ZMYND8: variants seen among roughly 807,000 people sequenced by gnomAD.
The protein encoded by ZMYND8 is MYND-type zinc finger-containing chromatin reader ZMYND8.
A neutral mutation model predicts 140.8 loss-of-function variants in ZMYND8; 37 were observed. The ratio of observed to expected loss-of-function variants is 0.26; its 90% CI spans 0.20 to 0.35. The LOEUF (loss-of-function observed/expected upper bound fraction) is 0.35. ZMYND8 is among the 10% of genes least tolerant of loss of function. The pLI is 1.00. For synonymous variants in ZMYND8, 592 were observed against 597.1 expected, an observed-to-expected ratio of 0.99 and a Z score of 0.12; for missense variants, 1,068 against 1,570.0, an observed-to-expected ratio of 0.68 and a Z score of 5.40.
At chr20:47,214,410 G>A (rs1028155534) in intron 21 of ZMYND8, among the ~76,000 whole-genome samples, 6 of 152,142 alleles carry the variant, frequency 3.9e-5, no homozygotes, top group African/African-American at 2.4e-5. Flanking sequence ...CACTTTTTCT[G>A]CCACTTTCTG....
chr20:47,337,119 A>C (rs2081445890), intron 2 of ZMYND8, among the ~76,000 whole-genome samples: 1 of 152,206 alleles, frequency 6.6e-6, no homozygotes, highest in South Asian at 2.1e-4. Flanking sequence ...TGGGAGGCCA[A>C]GGCGGGTGGA....
intron 11 of ZMYND8, among the ~76,000 whole-genome samples, chr20:47,271,356 T>C (rs1374175575): frequency 1.3e-5 from 2 of 152,232 alleles, no homozygotes; most frequent in Non-Finnish European, 2.9e-5. Context: ...TGCTTATCAT[T>C]GTAGCACTAA....
chr20:47,217,042 G>C (rs376114037), intron 21 of ZMYND8, among the ~76,000 whole-genome samples: 2 of 152,240 alleles, frequency 1.3e-5, no homozygotes, highest in African/African-American at 4.8e-5. Flanking sequence ...TCCAAGGTGA[G>C]GTTTTGCCAA....
intron 11 of ZMYND8, among the ~76,000 whole-genome samples, chr20:47,272,056 A>AG (rs11333888): frequency 0.017 from 2,418 of 146,444 alleles, 24 homozygotes; most frequent in South Asian, 0.028. Context: ...TTATAAAAAA[A>AG]GGGGGGGGGG....
At chr20:47,253,744 T>G (rs1014547859) in intron 12 of ZMYND8, among the ~76,000 whole-genome samples, 1 of 152,222 alleles carries the variant, frequency 6.6e-6, no homozygotes, top group Non-Finnish European at 1.5e-5. Flanking sequence ...CCTGAATAAC[T>G]GAGCTCTGTG....
At position 47,224,485 on chromosome 20, in the gene ZMYND8, G is replaced by C; in HGVS notation, c.3088C>G (p.Gln1030Glu). 4 of 1,614,200 alleles carry C rather than the reference G, an allele frequency of 2.5e-6. No homozygotes were observed. Among genetic ancestry groups the C allele is most frequent in the East Asian group, 2.2e-5 (1 of 44,886 alleles). The change falls in exon 19 of 23, where the codon CAG (glutamine) becomes GAG (glutamate). Residue 1030 changes from glutamine to glutamate, a missense_variant. Physicochemically the swap from Gln to Glu is conservative, Grantham distance 29. Coordinates refer to ENST00000471951, the MANE Select transcript of ZMYND8 (RefSeq NM_001281775.3). ...GCCTGCTGCTTCTCCAACTCCAGCT[G>C]CTTCTTCACCTCGGCGATGAGCCGG... ...RDRLIAEVKKQLELEKQQAVD... is the reference protein window; with the variant it reads ...RDRLIAEVKKELELEKQQAVD...
chr20:47,244,514 T>TAG (rs1203373334), intron 14 of ZMYND8, among the ~76,000 whole-genome samples: 1 of 152,200 alleles, frequency 6.6e-6, no homozygotes, highest in African/African-American at 2.4e-5. Context: ...CAGGCTGCAC[T>TAG]AGGCTGTGGG....
chr20:47,220,276 C>A lies in ZMYND8; in HGVS notation c.3466G>T (p.Gly1156Cys). 1.3e-6 allele frequency: 2 copies of A among 1,564,208 alleles called. No homozygotes were observed. Among genetic ancestry groups the A allele is most frequent in the East Asian group, 2.4e-5 (1 of 42,042 alleles). Residue 1156 changes from glycine (G) to cysteine (C), a missense_variant, in exon 21 of 23, where the codon GGC (glycine) becomes TGC (cysteine). Transcript: ENST00000471951. Reference protein sequence around the residue: ...SRETPSSILLGSNQGSVSKRC... With the variant: ...SRETPSSILLCSNQGSVSKRC... ...AACATACCAGAGCCTTGGTTGGAGC[C>A]TAAGAGAATGGAGGAGGGCGTCTCT...
chr20:47,212,606 GC>G (rs2035443692), intron 22 of ZMYND8, 35 bp downstream of exon 22: 2 of 1,608,720 alleles, frequency 1.2e-6, no homozygotes, highest in African/African-American at 2.7e-5. Context: ...CCAGGAAGAA[GC>G]CCCGGCAGCT....
chr20:47,356,385 T>G, intron 1 of ZMYND8: 1 of 1,510,818 alleles, frequency 6.6e-7, no homozygotes, highest in Non-Finnish European at 8.8e-7. Flanking sequence ...CATACCAGGA[T>G]CTAGCTTCAA....
intron 2 of ZMYND8, among the ~76,000 whole-genome samples, chr20:47,336,635 T>C (rs957037046): frequency 6.6e-6 from 1 of 152,242 alleles, no homozygotes; most frequent in African/African-American, 2.4e-5. Flanking sequence ...TGCAATGAAT[T>C]GTGCCTTGGC....
intron 16 of ZMYND8, among the ~76,000 whole-genome samples, chr20:47,236,074 A>G (rs919552861): frequency 2.6e-5 from 4 of 152,176 alleles, no homozygotes; most frequent in African/African-American, 9.7e-5. Context: ...GGTAATTCTG[A>G]TTATGTCATT....
intron 17 of ZMYND8, among the ~76,000 whole-genome samples, chr20:47,227,954 A>G (rs2037926342): frequency 6.6e-6 from 1 of 152,124 alleles, no homozygotes; most frequent in African/African-American, 2.4e-5. Flanking sequence ...TTAACCGGGC[A>G]TGGCGGCGCA....
intron 11 of ZMYND8, among the ~76,000 whole-genome samples, chr20:47,270,697 GAAA>G (rs34474269): frequency 0.35 from 30,256 of 87,524 alleles, 4,101 homozygotes; most frequent in Non-Finnish European, 0.36. Context: ...CCCTGTCTCT[GAAA>G]AAAAAAAAAA....
chr20:47,236,375 G>A lies in ZMYND8; in HGVS notation c.2807C>T (p.Ala936Val). ...AGCGGCGACATCAGCTGAGGCAGTGGCGATGGGCAGGTCAGCGTTGACTGA... is the reference window on the plus strand; with the variant it reads ...AGCGGCGACATCAGCTGAGGCAGTGACGATGGGCAGGTCAGCGTTGACTGA... Reference protein sequence around the residue: ...VSSVNADLPIATASADVAADI... With the variant: ...VSSVNADLPIVTASADVAADI... Residue 936 changes from alanine to valine, a missense_variant, in exon 16 of 23, where the codon GCC becomes GTC. Physicochemically the swap from Ala to Val is moderately conservative, Grantham distance 64 (BLOSUM62 0). Coordinates refer to ENST00000471951, the MANE Select transcript of ZMYND8 (RefSeq NM_001281775.3). The A allele has an allele frequency of 3.7e-6, 6 of 1,614,226 alleles. No homozygotes were observed. Among genetic ancestry groups the A allele is most frequent in the Non-Finnish European group, 5.1e-6 (6 of 1,180,046 alleles).
intron 12 of ZMYND8, among the ~76,000 whole-genome samples, chr20:47,257,841 C>G (rs1235487018): frequency 6.6e-6 from 1 of 151,582 alleles, no homozygotes; most frequent in Non-Finnish European, 1.5e-5. Context: ...TTGTCTGGCC[C>G]AAATAGAGTT....
chr20:47,255,603 T>TAG, intron 12 of ZMYND8, among the ~76,000 whole-genome samples: 1 of 107,080 alleles, frequency 9.3e-6, no homozygotes, highest in Non-Finnish European at 1.9e-5. Flanking sequence ...TGTATATATA[T>TAG]ATATATACAC....
chr20:47,320,205 G>C (rs934093674), intron 2 of ZMYND8: 1 of 152,252 alleles, frequency 6.6e-6, no homozygotes, highest in Non-Finnish European at 1.5e-5. Context: ...ATTAGCTTCA[G>C]AAAGGGGGCA....
chr20:47,259,087 C>T (rs542066855), intron 12 of ZMYND8, among the ~76,000 whole-genome samples: 46 of 152,126 alleles, frequency 3.0e-4, no homozygotes, highest in African/African-American at 1.0e-3. Flanking sequence ...GAAAGACCCA[C>T]AGTGTCACGA....
Sources: gnomAD v4.1 joint callset for allele counts (sites outside exome capture counted in the v4.1 genomes callset) on GRCh38, gnomAD v4.1.1 for gene constraint, MANE v1.5 for transcripts, NCBI Gene and HGNC (gene_info 2026-07-23, HGNC 2026-07-21) for gene names.